CACNA1S: variants seen among roughly 807,000 people sequenced by gnomAD.
CACNA1S encodes the protein voltage-dependent L-type calcium channel subunit alpha-1S.
In CACNA1S, 126 loss-of-function variants were observed where a neutral mutation model predicts 207.4. That is an observed-to-expected ratio of 0.61 (90% CI 0.53 to 0.70). CACNA1S has a LOEUF of 0.70. Among genes scored for constraint, CACNA1S ranks in the 30% least tolerant of loss-of-function variants. The pLI is 0.00. For missense variants in CACNA1S, 2,349 were observed against 2,422.8 expected (o/e 0.97, Z 0.64); for synonymous variants, 960 against 932.7 (o/e 1.03, Z -0.53).
At chr1:201,080,824 G>C (rs140705226) in intron 10 of CACNA1S, among the ~76,000 whole-genome samples, 48 of 152,162 alleles carry the variant, frequency 3.2e-4, no homozygotes, top group African/African-American at 1.1e-3. Context: ...ATATGCCTTA[G>C]ATTAAGAAGC....
chr1:201,102,803 A>G (rs1185041773), intron 2 of CACNA1S, among the ~76,000 whole-genome samples: 1 of 152,184 alleles, frequency 6.6e-6, no homozygotes, highest in East Asian at 1.9e-4. Context: ...CAGAGGGGAG[A>G]GAAAGATACA....
intron 7 of CACNA1S, among the ~76,000 whole-genome samples, chr1:201,085,884 G>T (rs1662023721): frequency 6.6e-6 from 1 of 152,128 alleles, no homozygotes; most frequent in Non-Finnish European, 1.5e-5. Flanking sequence ...TGCACATTAG[G>T]GGTTAATGAC....
In CACNA1S at chr1:201,084,974, C is replaced by T; in HGVS notation, c.1208G>A (p.Gly403Asp). The T allele has an allele frequency of 1.2e-6, 2 of 1,612,918 alleles. No homozygotes were observed. ...CATGAACTGGATGATTTTGTTCAAG[C>T]CTGCAATTTCATACAGGCTCTCTGT... ...SDTESLYEIAGLNKIIQFIRH... is the reference protein window; with the variant it reads ...SDTESLYEIADLNKIIQFIRH... Residue 403 changes from glycine to aspartate, a missense_variant, in exon 9 of 44, where the codon GGC (glycine) becomes GAC (aspartate). Transcript: ENST00000362061.
At position 201,049,071 on chromosome 1, in the gene CACNA1S, T is replaced by A; in HGVS notation, c.4270A>T (p.Thr1424Ser). Reference sequence around the variant, plus strand: ...GGGGGCTGAATCCTTCTCAGCAGGGTCACCACGTCCAGGTGTTTGATTCTC... The same window carrying A: ...GGGGGCTGAATCCTTCTCAGCAGGGACACCACGTCCAGGTGTTTGATTCTC... ...KGRIKHLDVV[T>S]LLRRIQPPLG... The change falls in exon 35 of 44, where the codon ACC (threonine) becomes TCC (serine). Residue 1424 changes from threonine to serine, a missense_variant. Thr to Ser is a moderately conservative substitution (Grantham distance 58). Coordinates refer to ENST00000362061, the MANE Select transcript of CACNA1S (RefSeq NM_000069.3). The A allele has an allele frequency of 6.2e-7, 1 of 1,613,520 alleles. No homozygotes were observed.
At chr1:201,078,894 G>A (rs575313958) in intron 10 of CACNA1S, among the ~76,000 whole-genome samples, 14 of 152,100 alleles carry the variant, frequency 9.2e-5, no homozygotes, top group African/African-American at 2.7e-4. Flanking sequence ...AGGTCGAGGC[G>A]GGTGGATCAC....
chr1:201,055,441 C>T (rs1660803539), intron 28 of CACNA1S, among the ~76,000 whole-genome samples: 1 of 152,188 alleles, frequency 6.6e-6, no homozygotes, highest in South Asian at 2.1e-4. Flanking sequence ...GGCCTGGCTT[C>T]AGAAGTTTAA....
At position 201,087,873 on chromosome 1, in the gene CACNA1S, C is replaced by T; in HGVS notation, c.957G>A (p.Leu319=). 2 of 1,614,046 alleles carry T rather than the reference C, an allele frequency of 1.2e-6. No homozygotes were observed. The highest frequency in any genetic ancestry group is 1.7e-6 in the Non-Finnish European group (2 of 1,179,958). The part of the protein sequence containing the change: ...WPWIYFVTLI[L]LGSFFILNLV... ...GGTTGAGGATGAAGAAGGATCCCAG[C>T]AAAATGAGGGTGACAAAATAGATCC... The change falls in exon 7 of 44, where the codon TTG becomes TTA. Residue 319 remains leucine (L), a synonymous_variant. Transcript: ENST00000362061.
intron 18 of CACNA1S, 102 bp from the exon 19 acceptor site, chr1:201,069,298 C>A: frequency 7.0e-7 from 1 of 1,430,994 alleles, no homozygotes; most frequent in Non-Finnish European, 9.8e-7. Context: ...CCATTCTGTG[C>A]CCCAGCCTGT....
chr1:201,061,574 G>A (rs1572035481), intron 24 of CACNA1S, 106 bp from the exon 25 acceptor site: 1 of 1,095,298 alleles, frequency 9.1e-7, no homozygotes, highest in South Asian at 1.5e-5. Flanking sequence ...AGCCAAGAGA[G>A]CCTTCTCAAC....
intron 1 of CACNA1S, 25 bp downstream of exon 1, chr1:201,112,163 C>G (rs751250483): frequency 2.5e-6 from 4 of 1,607,370 alleles, no homozygotes; most frequent in Admixed American, 3.3e-5. Context: ...ACACCCCCCC[C>G]CACGGCCCGG....
In CACNA1S at chr1:201,060,777, T is replaced by A; in HGVS notation, c.3295A>T (p.Arg1099Trp). The change falls in exon 26 of 44, where the codon AGG becomes TGG. Residue 1099 changes from arginine (R) to tryptophan (W), a missense_variant. Physicochemically the swap from Arg to Trp is moderately radical, Grantham distance 101. Coordinates refer to ENST00000362061, the MANE Select transcript of CACNA1S (RefSeq NM_000069.3). ...TATGGGTTTTTGGGAATGTAGCACC[T>A]CAGTGGGCGGGCCTTCAGGGCATAC... Reference protein sequence around the residue: ...VQYALKARPLRCYIPKNPYQY... With the variant: ...VQYALKARPLWCYIPKNPYQY... 1 of 1,614,160 alleles carries A rather than the reference T, an allele frequency of 6.2e-7. No homozygotes were observed. Among genetic ancestry groups the A allele is most frequent in the Non-Finnish European group, 8.5e-7 (1 of 1,180,032 alleles).
chr1:201,058,014 T>C (rs1231629901), intron 28 of CACNA1S, among the ~76,000 whole-genome samples: 1 of 152,132 alleles, frequency 6.6e-6, no homozygotes, highest in Non-Finnish European at 1.5e-5. Context: ...CTTCTTTGCA[T>C]TTCCTGCGCT....
chr1:201,110,368 G>C lies in CACNA1S; in HGVS notation c.153-99C>G, dbSNP rs950512703. 8 of 1,025,560 alleles carry C rather than the reference G, an allele frequency of 7.8e-6. No homozygotes were observed. The African/African-American group carries it at 1.3e-4, about 16-fold the overall frequency. 63.5% of individuals were successfully genotyped at this position (1,025,560 alleles called of 1,614,324 possible). A position where few individuals can be genotyped will look rare whatever the true frequency, so the allele number is the denominator to read the frequency against. ...GGTCAGTCTGGACTGTGACTCTGATGCCAGGCTGCTGGACAGGCTCATGGA... is the reference window on the plus strand; with the variant it reads ...GGTCAGTCTGGACTGTGACTCTGATCCCAGGCTGCTGGACAGGCTCATGGA... On this transcript the variant is annotated intron_variant, in intron 1 of 43. Transcript: ENST00000362061.
At position 201,077,883 on chromosome 1, in the gene CACNA1S, T is replaced by G; in HGVS notation, c.1615A>C (p.Thr539Pro). ...CCAGCCGACCCCGGCACTCACTTGG[T>G]GATCTTGAAGATCCTCAGGAGGCGG... ...CIRLLRIFKI[T>P]KYWTSLSNLV... is the part of the protein sequence containing the mutation. Residue 539 changes from threonine to proline, a missense_variant, in exon 11 of 44, where the codon ACC (threonine) becomes CCC (proline). Thr to Pro is a conservative substitution (Grantham distance 38). Coordinates refer to ENST00000362061, the MANE Select transcript of CACNA1S (RefSeq NM_000069.3). The G allele has an allele frequency of 6.2e-7, 1 of 1,613,116 alleles. No individual in the cohort carries two copies. Among genetic ancestry groups the G allele is most frequent in the South Asian group, 1.1e-5 (1 of 91,060 alleles).
At chr1:201,058,721 G>A (rs1474597312) in intron 27 of CACNA1S, among the ~76,000 whole-genome samples, 3 of 152,014 alleles carry the variant, frequency 2.0e-5, no homozygotes, top group Admixed American at 6.6e-5. Flanking sequence ...AAGTAGTGGT[G>A]GGGGGGAGGG....
At chr1:201,074,399 A>T (rs2102138196) in intron 14 of CACNA1S, 107 bp downstream of exon 14, 2 of 748,792 alleles carry the variant, frequency 2.7e-6, no homozygotes, top group East Asian at 2.7e-5. Context: ...GGGTGTCACC[A>T]TGTCAGGGAC....
chr1:201,077,851 G>A (rs768609361), intron 11 of CACNA1S, 28 bp downstream of exon 11: 76 of 1,548,936 alleles, frequency 4.9e-5, no homozygotes, highest in African/African-American at 6.8e-5. Context: ...CCGGGGACCC[G>A]GGAGTGCCAG....
At chr1:201,085,699 C>T (rs1662015951) in intron 7 of CACNA1S, 118 bp from the exon 8 acceptor site, 7 of 1,230,416 alleles carry the variant, frequency 5.7e-6, no homozygotes, top group Non-Finnish European at 8.0e-6. Context: ...TTTTTCTGGC[C>T]CCGGGGTGTT....
At chr1:201,093,170 A>C (rs1434207831) in intron 3 of CACNA1S, among the ~76,000 whole-genome samples, 5 of 152,214 alleles carry the variant, frequency 3.3e-5, no homozygotes, top group African/African-American at 1.2e-4. Flanking sequence ...CCTAACCCCT[A>C]GCACCTCAGA....
Sources: allele counts gnomAD v4.1 joint callset (sites outside exome capture counted in the v4.1 genomes callset), GRCh38; gene constraint gnomAD v4.1.1; transcripts MANE v1.5; gene names NCBI Gene and HGNC (gene_info 2026-07-23, HGNC 2026-07-21).